UMAD1: variants seen among roughly 807,000 people sequenced by gnomAD.
UMAD1 encodes UBAP1-MVB12-associated (UMA)-domain containing protein 1.
In UMAD1, 8 loss-of-function variants were observed where a neutral mutation model predicts 6.1. That is an observed-to-expected ratio of 1.30 (90% CI 0.76 to 2.35). The LOEUF is 2.35. UMAD1 is among the 30% of genes most tolerant of loss of function. UMAD1 has a pLI of 0.00. For missense variants in UMAD1, 130 were observed against 78.4 expected (o/e 1.66, Z -2.49); for synonymous variants, 56 against 31.4 (o/e 1.78, Z -2.61).
intron 3 of UMAD1, among the ~76,000 whole-genome samples, chr7:7,868,117 C>T (rs889384665): frequency 6.6e-6 from 1 of 151,978 alleles, no homozygotes; most frequent in Non-Finnish European, 1.5e-5. Context: ...GGAAGGCCTA[C>T]TGGGAAAATA....
At chr7:7,657,667 G>T (rs1305883935) in intron 1 of UMAD1, among the ~76,000 whole-genome samples, 4 of 151,900 alleles carry the variant, frequency 2.6e-5, no homozygotes, top group African/African-American at 9.7e-5. Flanking sequence ...TTCCATTGGT[G>T]TATATCTCTG....
intron 2 of UMAD1, among the ~76,000 whole-genome samples, chr7:7,674,528 G>A (rs1779689922): frequency 6.6e-6 from 1 of 152,210 alleles, no homozygotes. Flanking sequence ...CAGTAGCTGG[G>A]AGGTTGCTCA....
At chr7:7,667,904 T>C (rs1779509603) in intron 1 of UMAD1, among the ~76,000 whole-genome samples, 1 of 152,150 alleles carries the variant, frequency 6.6e-6, no homozygotes, top group Non-Finnish European at 1.5e-5. Flanking sequence ...CTTGGACCAA[T>C]ACTTAACCTA....
At chr7:7,666,842 G>C (rs996952499) in intron 1 of UMAD1, among the ~76,000 whole-genome samples, 4 of 152,204 alleles carry the variant, frequency 2.6e-5, no homozygotes, top group Middle Eastern at 6.8e-3. Flanking sequence ...TTTCACTCTT[G>C]TTGCCCAGGC....
intron 2 of UMAD1, among the ~76,000 whole-genome samples, chr7:7,728,242 C>CCT (rs1238528080): frequency 6.6e-6 from 1 of 151,468 alleles, no homozygotes; most frequent in African/African-American, 2.4e-5. Context: ...ATCTAGGGTA[C>CCT]CTCTACCTGG....
At chr7:7,674,308 C>G (rs1397233974) in intron 2 of UMAD1, among the ~76,000 whole-genome samples, 1 of 152,192 alleles carries the variant, frequency 6.6e-6, no homozygotes, top group Non-Finnish European at 1.5e-5. Flanking sequence ...TTGGCCCCAT[C>G]AGACTGGCAT....
At chr7:7,848,816 T>C (rs964297786) in intron 3 of UMAD1, among the ~76,000 whole-genome samples, 1 of 152,156 alleles carries the variant, frequency 6.6e-6, no homozygotes, top group African/African-American at 2.4e-5. Flanking sequence ...AAAGAATTTT[T>C]TAAGCTATCC....
chr7:7,813,693 T>C (rs1180848037), intron 3 of UMAD1, among the ~76,000 whole-genome samples: 1 of 152,220 alleles, frequency 6.6e-6, no homozygotes, highest in Non-Finnish European at 1.5e-5. Context: ...TGGTTTCTCT[T>C]GGAAAATAGT....
rs58039932 is a variant in UMAD1, at chr7:7,777,574, A to AATATATATATATATATATATAT, written c.83-24089_83-24068dup. On this transcript the variant is annotated intron_variant, in intron 2 of 3. Coordinates refer to ENST00000682710, the MANE Select transcript of UMAD1 (RefSeq NM_001302348.2). ...ATTTATGTCATTTCATACATGAGCA[A>AATATATATATATATATATATAT]ATATATATATATATATATATATATA... Among the ~76,000 whole-genome samples, 292 of 113,462 alleles carry AATATATATATATATATATATAT rather than the reference A, an allele frequency of 2.6e-3. 2 individuals carry two copies. The highest frequency in any genetic ancestry group is 4.9e-3 in the African/African-American group (123 of 25,352). 74.4% of individuals were successfully genotyped at this position (113,462 alleles called of 152,430 possible).
chr7:7,703,857 G>A (rs1355899608), intron 2 of UMAD1, among the ~76,000 whole-genome samples: 1 of 152,064 alleles, frequency 6.6e-6, no homozygotes, highest in African/African-American at 2.4e-5. Flanking sequence ...TAGGAGGATT[G>A]CTTGAGCCTG....
At chr7:7,693,087 T>C (rs2115139923) in intron 2 of UMAD1, among the ~76,000 whole-genome samples, 1 of 152,306 alleles carries the variant, frequency 6.6e-6, no homozygotes, top group Admixed American at 6.5e-5. Flanking sequence ...AATGAACAAG[T>C]ATTACTTGTA....
chr7:7,705,042 A>T (rs1317049493), intron 2 of UMAD1, among the ~76,000 whole-genome samples: 1 of 152,206 alleles, frequency 6.6e-6, no homozygotes, highest in African/African-American at 2.4e-5. Flanking sequence ...CATCTGTAAC[A>T]CAGGACTACT....
chr7:7,874,881 C>A (rs927777541), intron 3 of UMAD1, among the ~76,000 whole-genome samples: 1 of 152,084 alleles, frequency 6.6e-6, no homozygotes, highest in Non-Finnish European at 1.5e-5. Context: ...CTGATCTGGG[C>A]GCTGGTTGCT....
intron 2 of UMAD1, among the ~76,000 whole-genome samples, chr7:7,743,121 T>G (rs1563171153): frequency 6.6e-6 from 1 of 152,234 alleles, no homozygotes; most frequent in Non-Finnish European, 1.5e-5. Flanking sequence ...TGTGTAAGTA[T>G]GTATCTAAAA....
chr7:7,657,287 C>A (rs1056788952), intron 1 of UMAD1, among the ~76,000 whole-genome samples: 2 of 152,048 alleles, frequency 1.3e-5, no homozygotes, highest in African/African-American at 2.4e-5. Flanking sequence ...ATGATAGTTT[C>A]TTTTGCTGTG....
At chr7:7,853,208 A>G (rs1175759770) in intron 3 of UMAD1, among the ~76,000 whole-genome samples, 1 of 152,222 alleles carries the variant, frequency 6.6e-6, no homozygotes, top group African/African-American at 2.4e-5. Flanking sequence ...TTATGTCAAT[A>G]CCACAGTCTC....
intron 2 of UMAD1, among the ~76,000 whole-genome samples, chr7:7,776,135 T>G (rs1165558502): frequency 6.6e-6 from 1 of 152,066 alleles, no homozygotes; most frequent in East Asian, 1.9e-4. Flanking sequence ...AAATTATCCC[T>G]CAATAAACCT....
chr7:7,703,607 T>C (rs996039050), intron 2 of UMAD1, among the ~76,000 whole-genome samples: 1 of 152,176 alleles, frequency 6.6e-6, no homozygotes, highest in Non-Finnish European at 1.5e-5. Context: ...TAACAACAAT[T>C]TGTCCTAATC....
intron 1 of UMAD1, among the ~76,000 whole-genome samples, chr7:7,671,038 G>A (rs1193100714): frequency 1.3e-5 from 2 of 152,112 alleles, no homozygotes; most frequent in Non-Finnish European, 2.9e-5. Flanking sequence ...CCTCCTTGGG[G>A]GCTGAACAGT....
Sources: gnomAD v4.1 joint callset for allele counts (sites outside exome capture counted in the v4.1 genomes callset) on GRCh38, gnomAD v4.1.1 for gene constraint, MANE v1.5 for transcripts, NCBI Gene and HGNC (gene_info 2026-07-23, HGNC 2026-07-21) for gene names.